CUX1: variants seen among roughly 807,000 people sequenced by gnomAD.
The protein encoded by CUX1 is cut like homeobox 1.
CUX1 carries 31 observed loss-of-function variants against 158.8 expected under a neutral mutation model. The ratio of observed to expected loss-of-function variants is 0.20; its 90% CI spans 0.15 to 0.26. The LOEUF (loss-of-function observed/expected upper bound fraction) is 0.26. Among genes scored for constraint, CUX1 ranks in the 10% least tolerant of loss-of-function variants. CUX1 has a pLI of 1.00. For missense variants in CUX1, 1,589 were observed against 2,014.6 expected, an observed-to-expected ratio of 0.79 and a Z score of 4.04; for synonymous variants, 879 against 862.1, an observed-to-expected ratio of 1.02 and a Z score of -0.34.
chr7:101,873,575 G>T (rs1181966922), intron 1 of CUX1, among the ~76,000 whole-genome samples: 2 of 152,188 alleles, frequency 1.3e-5, no homozygotes, highest in South Asian at 4.2e-4. Flanking sequence ...AAACATTTTA[G>T]GTTTCTCTAC....
chr7:101,924,125 A>AGGAAGCCAC (rs1390025201), intron 2 of CUX1, among the ~76,000 whole-genome samples: 1 of 152,050 alleles, frequency 6.6e-6, no homozygotes, highest in African/African-American at 2.4e-5. Context: ...GGGGTAAGCC[A>AGGAAGCCAC]GGAAGCCACG....
chr7:101,847,293 A>G (rs1054825409), intron 1 of CUX1, among the ~76,000 whole-genome samples: 10 of 152,146 alleles, frequency 6.6e-5, no homozygotes, highest in Non-Finnish European at 1.2e-4. Flanking sequence ...TGGATTCATG[A>G]TATATTGTTA....
chr7:102,272,916 C>A (rs1586516876), intron 14 of CUX1, among the ~76,000 whole-genome samples: 1 of 152,160 alleles, frequency 6.6e-6, no homozygotes. Flanking sequence ...TTCTCTGCCT[C>A]TCCTACCCCC....
At chr7:101,970,053 C>T (rs1291843511) in intron 2 of CUX1, among the ~76,000 whole-genome samples, 1 of 151,452 alleles carries the variant, frequency 6.6e-6, no homozygotes, top group Non-Finnish European at 1.5e-5. Context: ...TGGATATTCC[C>T]TCCCAGGGCA....
chr7:102,016,761 G>A (rs1433295879), intron 2 of CUX1, among the ~76,000 whole-genome samples: 1 of 152,160 alleles, frequency 6.6e-6, no homozygotes. Flanking sequence ...ATAAATCTCT[G>A]CCTACATCTC....
chr7:102,048,389 C>G (rs1348012463), intron 3 of CUX1, among the ~76,000 whole-genome samples: 7 of 152,214 alleles, frequency 4.6e-5, no homozygotes, highest in Admixed American at 1.3e-4. Flanking sequence ...ATGGACACAG[C>G]CCTGTGAGGT....
At chr7:101,939,950 G>A (rs922235095) in intron 2 of CUX1, among the ~76,000 whole-genome samples, 1 of 152,170 alleles carries the variant, frequency 6.6e-6, no homozygotes, top group Admixed American at 6.5e-5. Context: ...GCATGGTAGC[G>A]GGAACCTGTA....
rs1037651612 is a variant in CUX1, at chr7:101,919,579, C to T, written c.141+3354C>T. On this transcript the variant is annotated intron_variant, in intron 2 of 23. Coordinates refer to ENST00000292535, the MANE Select transcript of CUX1 (RefSeq NM_181552.4). Reference sequence around the variant, plus strand: ...GGCAGAGCCAGGGCTGGTGGTGTTCCTGCTGGTGTGACACCAAGGGTGTTG... The same window carrying T: ...GGCAGAGCCAGGGCTGGTGGTGTTCTTGCTGGTGTGACACCAAGGGTGTTG... 4.6e-5 allele frequency among the ~76,000 whole-genome samples: 7 copies of T among 152,294 alleles called. No homozygotes were observed. The East Asian group carries it at 1.4e-3, about 29-fold the overall frequency.
chr7:101,974,941 T>C (rs1812454320), intron 2 of CUX1, among the ~76,000 whole-genome samples: 1 of 152,082 alleles, frequency 6.6e-6, no homozygotes, highest in Non-Finnish European at 1.5e-5. Flanking sequence ...TCTTTGCCAA[T>C]TTGGCATCAG....
chr7:102,166,635 T>C (rs1447430479), intron 9 of CUX1, among the ~76,000 whole-genome samples: 1 of 152,220 alleles, frequency 6.6e-6, no homozygotes, highest in Admixed American at 6.5e-5. Context: ...TACGCTTACT[T>C]CTCAGCTCCT....
intron 8 of CUX1, among the ~76,000 whole-genome samples, chr7:102,145,623 C>G (rs1443685370): frequency 6.6e-6 from 1 of 152,050 alleles, no homozygotes; most frequent in Admixed American, 6.6e-5. Flanking sequence ...CTGTCCAGCT[C>G]AGAAGTCTGT....
At chr7:101,857,322 A>G (rs1796959798) in intron 1 of CUX1, among the ~76,000 whole-genome samples, 1 of 152,236 alleles carries the variant, frequency 6.6e-6, no homozygotes, top group Non-Finnish European at 1.5e-5. Flanking sequence ...AATAAAAAGA[A>G]ATAACTATTT....
chr7:101,860,053 C>CCT (rs978386593), intron 1 of CUX1, among the ~76,000 whole-genome samples: 4 of 139,386 alleles, frequency 2.9e-5, no homozygotes, highest in Admixed American at 1.5e-4. Context: ...CCTGCTTTTT[C>CCT]CTCTCTCTCT....
intron 20 of CUX1, among the ~76,000 whole-genome samples, chr7:102,216,687 CCACACACACTCCCA>C (rs1797209189): frequency 8.8e-6 from 1 of 113,738 alleles, no homozygotes. Context: ...ACACACTCCC[CCACACACACTCCCA>C]CACGCACTCT....
At chr7:102,227,186 G>A (rs890089447) in intron 20 of CUX1, among the ~76,000 whole-genome samples, 181 bp from the exon 21 acceptor site, 10 of 151,982 alleles carry the variant, frequency 6.6e-5, no homozygotes, top group Non-Finnish European at 1.5e-4. Flanking sequence ...TTTTAATATG[G>A]AAGACTAGAG....
At chr7:101,842,281 T>C (rs77164682) in intron 1 of CUX1, among the ~76,000 whole-genome samples, 2,419 of 152,358 alleles carry the variant, frequency 0.016, 39 homozygotes, top group Non-Finnish European at 0.025. Context: ...AAAAACGTTA[T>C]ATATGCAGTA....
intron 1 of CUX1, among the ~76,000 whole-genome samples, chr7:101,887,862 T>G (rs1039227989): frequency 1.1e-4 from 14 of 131,092 alleles, no homozygotes; most frequent in Admixed American, 2.2e-4. Context: ...TTTTTTTTTT[T>G]TTGTTTAGAA....
In CUX1 at chr7:102,275,267, G is replaced by A. The variant is rs150976222; in HGVS notation, c.1471G>A (p.Gly491Ser). 42 of 1,609,934 alleles carry A rather than the reference G, an allele frequency of 2.6e-5. No homozygotes were observed. The highest frequency in any genetic ancestry group is 1.6e-4 in the Middle Eastern group (1 of 6,070). Reference sequence around the variant, plus strand: ...GCTAGGACCTGCAGCACCAGCCAGCGGTGCCCTCCCAGAGGGCCAGGTGGA... The same window carrying A: ...GCTAGGACCTGCAGCACCAGCCAGCAGTGCCCTCCCAGAGGGCCAGGTGGA... The change falls in exon 17 of 23, where the codon GGT (glycine) becomes AGT (serine). Residue 491 changes from glycine to serine, a missense_variant. Transcript: ENST00000292538.
At chr7:101,981,380 A>G (rs1813426515) in intron 2 of CUX1, among the ~76,000 whole-genome samples, 1 of 152,100 alleles carries the variant, frequency 6.6e-6, no homozygotes, top group East Asian at 1.9e-4. Flanking sequence ...TGTAGCAGGT[A>G]CTGAAATTAT....
Sources: gnomAD v4.1 joint callset for allele counts (sites outside exome capture counted in the v4.1 genomes callset) on GRCh38, gnomAD v4.1.1 for gene constraint, MANE v1.5 for transcripts, NCBI Gene and HGNC (gene_info 2026-07-23, HGNC 2026-07-21) for gene names.